ERCC6L2: variants seen among roughly 807,000 people sequenced by gnomAD.
ERCC6L2 encodes DNA excision repair protein ERCC-6-like 2.
In ERCC6L2, 77 loss-of-function variants were observed where a neutral mutation model predicts 132.0. That is an observed-to-expected ratio of 0.58 (90% CI 0.49 to 0.71). The LOEUF is 0.71. Among genes scored for constraint, ERCC6L2 ranks in the 30% least tolerant of loss-of-function variants. The probability of loss-of-function intolerance (pLI) is 0.00; values close to 1 mark genes in which losing one functional copy is unlikely to be tolerated. For missense variants in ERCC6L2, 1,542 were observed against 1,837.6 expected, an observed-to-expected ratio of 0.84 and a Z score of 2.94; for synonymous variants, 583 against 632.4, an observed-to-expected ratio of 0.92 and a Z score of 1.17.
At chr9:95,895,552 G>GAAAAAT in intron 2 of ERCC6L2, among the ~76,000 whole-genome samples, 1 of 151,518 alleles carries the variant, frequency 6.6e-6, no homozygotes, top group Non-Finnish European at 1.5e-5. Flanking sequence ...CTTTTATTAG[G>GAAAAAT]TACACATTCT....
At chr9:95,917,034 C>T (rs928161855) in intron 6 of ERCC6L2, among the ~76,000 whole-genome samples, 1 of 152,132 alleles carries the variant, frequency 6.6e-6, no homozygotes, top group Non-Finnish European at 1.5e-5. Context: ...GGAAGAGCTT[C>T]TCTCTGCAGT....
chr9:95,938,211 C>T lies in ERCC6L2; in HGVS notation c.1752-3243C>T, dbSNP rs551829562. Among the ~76,000 whole-genome samples the T allele has an allele frequency of 1.6e-4, 24 of 151,926 alleles. No individual in the cohort carries two copies. The East Asian group carries it at 4.6e-3, about 29-fold the overall frequency. Reference sequence around the variant, plus strand: ...ATACTCAGTATAATACCATTATATTCAGTATATACCAGTATAGTTTCAGTT... The same window carrying T: ...ATACTCAGTATAATACCATTATATTTAGTATATACCAGTATAGTTTCAGTT... On this transcript the variant is annotated intron_variant, in intron 11 of 18. Coordinates refer to ENST00000653738, the MANE Select transcript of ERCC6L2 (RefSeq NM_020207.7).
chr9:95,916,495 G>A, intron 6 of ERCC6L2, 61 bp downstream of exon 6: 1 of 1,343,816 alleles, frequency 7.4e-7, no homozygotes. Context: ...TCCTTTTTAA[G>A]AAAAAGTCTG....
chr9:95,982,790 A>T (rs1198879232), intron 17 of ERCC6L2, among the ~76,000 whole-genome samples: 1 of 152,146 alleles, frequency 6.6e-6, no homozygotes, highest in East Asian at 1.9e-4. Flanking sequence ...ACTAGGATTG[A>T]TTGTAGATAG....
rs690086 is a variant in ERCC6L2 at position 95,907,225 on chromosome 9, C to T, written c.742C>T (p.Leu248=). The change falls in exon 4 of 19, where the codon CTA becomes TTA. Residue 248 remains leucine (L), a synonymous_variant. Coordinates refer to ENST00000653738, the MANE Select transcript of ERCC6L2 (RefSeq NM_020207.7). The part of the protein sequence containing the change: ...RVKQRKCEIA[L]TTYETLRLCL... ...AAAGCAGAGGAAATGTGAAATTGCTCTAACAACTTATGAAACACTACGCTT... is the reference window on the plus strand; with the variant it reads ...AAAGCAGAGGAAATGTGAAATTGCTTTAACAACTTATGAAACACTACGCTT... The T allele has an allele frequency of 1.1e-5, 17 of 1,612,750 alleles. No homozygotes were observed. The highest frequency in any genetic ancestry group is 1.4e-5 in the Non-Finnish European group (17 of 1,179,660).
intron 9 of ERCC6L2, among the ~76,000 whole-genome samples, chr9:95,925,825 A>C (rs960021683): frequency 6.7e-6 from 1 of 148,212 alleles, no homozygotes; most frequent in Non-Finnish European, 1.5e-5. Context: ...GACTGGGAGA[A>C]AATATTAGCA....
intron 18 of ERCC6L2, among the ~76,000 whole-genome samples, chr9:96,008,061 A>G (rs1266322445): frequency 6.6e-6 from 1 of 152,116 alleles, no homozygotes; most frequent in Non-Finnish European, 1.5e-5. Flanking sequence ...CAGTGTACCT[A>G]CCCACAGAAC....
At chr9:95,938,924 G>A (rs1247541127) in intron 11 of ERCC6L2, among the ~76,000 whole-genome samples, 2 of 151,580 alleles carry the variant, frequency 1.3e-5, no homozygotes, top group East Asian at 1.9e-4. Flanking sequence ...ATTTGTTTAT[G>A]TATAGTGTTT....
intron 19 of ERCC6L2, among the ~76,000 whole-genome samples, chr9:96,038,417 A>G (rs1834543798): frequency 6.6e-6 from 1 of 152,212 alleles, no homozygotes; most frequent in African/African-American, 2.4e-5. Flanking sequence ...TGAGCAGGGC[A>G]GGGAGTGGTG....
chr9:95,933,606 A>T (rs1448996992), intron 11 of ERCC6L2, among the ~76,000 whole-genome samples: 1 of 152,172 alleles, frequency 6.6e-6, no homozygotes, highest in Non-Finnish European at 1.5e-5. Flanking sequence ...GCACTTTGGA[A>T]GGCCAAAACG....
At chr9:95,886,959 C>T (rs557357414) in intron 2 of ERCC6L2, among the ~76,000 whole-genome samples, 8 of 152,346 alleles carry the variant, frequency 5.3e-5, no homozygotes, top group African/African-American at 1.7e-4. Context: ...TGTCCTTGAA[C>T]GTCGGACTCA....
At chr9:96,029,317 A>C (rs866204501) in intron 19 of ERCC6L2, among the ~76,000 whole-genome samples, 2,412 of 148,368 alleles carry the variant, frequency 0.016, 26 homozygotes, top group African/African-American at 0.024. Flanking sequence ...AAAAAAAAAA[A>C]AAAAAACAAA....
At chr9:95,988,198 AATT>A (rs1462197495) in intron 17 of ERCC6L2, among the ~76,000 whole-genome samples, 6 of 152,334 alleles carry the variant, frequency 3.9e-5, no homozygotes, top group African/African-American at 1.2e-4. Context: ...AAATGTGAAT[AATT>A]ATTCTAATTT....
intron 11 of ERCC6L2, among the ~76,000 whole-genome samples, chr9:95,936,802 A>G (rs1830574666): frequency 6.6e-6 from 1 of 152,148 alleles, no homozygotes; most frequent in South Asian, 2.1e-4. Context: ...TGAGCCCTGG[A>G]AACCACTAAT....
intron 12 of ERCC6L2, among the ~76,000 whole-genome samples, chr9:95,953,679 AG>A (rs1831456383): frequency 6.6e-6 from 1 of 152,122 alleles, no homozygotes; most frequent in Non-Finnish European, 1.5e-5. Context: ...CAAAAGTAAA[AG>A]AATAATTTAG....
In ERCC6L2 at chr9:96,012,273, C is replaced by T. The variant is rs370932051; in HGVS notation, c.3723C>T (p.Asn1241=). The change falls in exon 19 of 19, where the codon AAC becomes AAT. Residue 1241 remains asparagine (N), a synonymous_variant. Transcript: ENST00000653738. ...CTTATTTTAACTCGTCTTCTGTAAA[C>T]GAATTTGCTAAACATATAACCAATG... ...MASYFNSSSV[N]EFAKHITNAT... The T allele has an allele frequency of 9.2e-6, 12 of 1,306,170 alleles. No individual in the cohort carries two copies. In the Admixed American group the frequency reaches 2.3e-4, roughly 25 times the overall value. The allele number at this position is 1,306,170 out of a possible 1,614,324, so 80.9% of individuals were successfully genotyped here.
At chr9:95,938,275 T>G (rs1830644740) in intron 11 of ERCC6L2, among the ~76,000 whole-genome samples, 2 of 152,046 alleles carry the variant, frequency 1.3e-5, no homozygotes, top group African/African-American at 4.8e-5. Flanking sequence ...GGCCCAGGAT[T>G]TGGTCTATCT....
chr9:95,993,539 TG>T (rs1807364919), intron 17 of ERCC6L2, among the ~76,000 whole-genome samples: 1 of 152,184 alleles, frequency 6.6e-6, no homozygotes, highest in Non-Finnish European at 1.5e-5. Flanking sequence ...CCCCCAATGC[TG>T]CCACTTCGCA....
At chr9:95,900,248 T>G (rs1393224232) in intron 3 of ERCC6L2, among the ~76,000 whole-genome samples, 1 of 151,710 alleles carries the variant, frequency 6.6e-6, no homozygotes, top group Non-Finnish European at 1.5e-5. Flanking sequence ...ATTAGCCAGG[T>G]GTGGTAGTGT....
Sources: gnomAD v4.1 joint callset for allele counts (sites outside exome capture counted in the v4.1 genomes callset) on GRCh38, gnomAD v4.1.1 for gene constraint, MANE v1.5 for transcripts, NCBI Gene and HGNC (gene_info 2026-07-23, HGNC 2026-07-21) for gene names.